Variants in GM2A observed in about 807,000 individuals in gnomAD.
GM2A encodes the protein ganglioside GM2 activator, also known as GM2 ganglioside activator.
In GM2A, 7 loss-of-function variants were observed where a neutral mutation model predicts 12.9. That is an observed-to-expected ratio of 0.54 (90% CI 0.31 to 1.02). GM2A has a LOEUF of 1.02. Among genes scored for constraint, GM2A ranks in the 50% least tolerant of loss-of-function variants. GM2A has a pLI of 0.05. For synonymous variants in GM2A, 101 were observed against 96.0 expected (o/e 1.05, Z -0.30); for missense variants, 246 against 241.0 (o/e 1.02, Z -0.14).
rs1753967072 is a variant in GM2A at position 151,269,571 on chromosome 5, TCAGGC to T, written c.*2123_*2127del. ...GGGAGCAAAGACCACCTGGTGACTA[TCAGGC>T]CATGCAGAGGCAAAACGCCTTATTT... On this transcript the variant is annotated 3_prime_UTR_variant, in exon 4 of 4. Coordinates refer to ENST00000357164, the MANE Select transcript of GM2A (RefSeq NM_000405.5). 1 of 453,108 alleles carries T rather than the reference TCAGGC, an allele frequency of 2.2e-6. No individual in the cohort carries two copies. The highest frequency in any genetic ancestry group is 2.9e-6 in the Non-Finnish European group (1 of 343,134). 28.1% of individuals were successfully genotyped at this position (453,108 alleles called of 1,614,324 possible). A position where few individuals can be genotyped will look rare whatever the true frequency, so the allele number is the denominator to read the frequency against.
rs557461469 is a variant in GM2A at position 151,253,229 on chromosome 5, A to T, written c.13A>T (p.Met5Leu). The change falls in exon 1 of 4, where the codon ATG becomes TTG. Residue 5 changes from methionine to leucine, a missense_variant. Coordinates refer to ENST00000357164, the MANE Select transcript of GM2A (RefSeq NM_000405.5). ...CCCACCCTTCCCGATGCAGTCCCTG[A>T]TGCAGGCTCCCCTCCTGATCGCCCT... MQSL[M>L]QAPLLIALGL... 1.9e-5 allele frequency: 30 copies of T among 1,613,960 alleles called. No homozygotes were observed. The East Asian group carries it at 2.9e-4, about 16-fold the overall frequency.
At position 151,270,428 on chromosome 5, in the gene GM2A, T is replaced by A. The variant is rs1020609911; in HGVS notation, c.*2977T>A. 2.5e-6 allele frequency: 1 copy of A among 398,406 alleles called. No individual in the cohort carries two copies. The highest frequency in any genetic ancestry group is 4.4e-6 in the Non-Finnish European group (1 of 226,028). The allele number at this position is 398,406 out of a possible 1,614,324, so 24.7% of individuals were successfully genotyped here. A position where few individuals can be genotyped will look rare whatever the true frequency, so the allele number is the denominator to read the frequency against. ...CTGGGAGAAAAATTTATCCAGCCTA[T>A]ATAATAGACAAACAGTTAGTGTTCT... On this transcript the variant is annotated 3_prime_UTR_variant, in exon 4 of 4. Transcript: ENST00000357164.
In GM2A at chr5:151,253,208, C is replaced by T. The variant is rs1753619654; in HGVS notation, c.-9C>T. 1 of 1,611,938 alleles carries T rather than the reference C, an allele frequency of 6.2e-7. No individual in the cohort carries two copies. The highest frequency in any genetic ancestry group is 1.3e-5 in the African/African-American group (1 of 74,882). ...TTGCAGTTAACTCCGCCCTGACCCA[C>T]CCTTCCCGATGCAGTCCCTGATGCA... On this transcript the variant is annotated 5_prime_UTR_variant, in exon 1 of 4. Coordinates refer to ENST00000357164, the MANE Select transcript of GM2A (RefSeq NM_000405.5).
Position 151,269,970 on chromosome 5 carries a change from G to A in GM2A, c.*2519G>A, listed in dbSNP as rs138240164. On this transcript the variant is annotated 3_prime_UTR_variant, in exon 4 of 4. Transcript: ENST00000357164. ...TCACCTGGCAATGACCTCCACAGCC[G>A]TTTCCCTCTGTTGGATCTTCCAGCC... 4.2e-3 allele frequency: 5,088 copies of A among 1,217,932 alleles called. 19 individuals are homozygous for A. The highest frequency in any genetic ancestry group is 4.7e-3 in the Non-Finnish European group (4,615 of 979,842). 75.4% of individuals were successfully genotyped at this position (1,217,932 alleles called of 1,614,324 possible).
intron 2 of GM2A, among the ~76,000 whole-genome samples, chr5:151,263,185 C>T (rs565054009): frequency 6.6e-6 from 1 of 150,586 alleles, no homozygotes; most frequent in South Asian, 2.1e-4. Flanking sequence ...CTCTGCCTCC[C>T]GGTTTCAAGG....
chr5:151,260,151 G>T (rs190147543), intron 2 of GM2A, among the ~76,000 whole-genome samples: 39 of 152,320 alleles, frequency 2.6e-4, no homozygotes, highest in Admixed American at 1.0e-3. Flanking sequence ...CAGGAGTGAC[G>T]GATACCTTGC....
rs777250593 is a variant in GM2A, at chr5:151,266,829, G to C, written c.342G>C (p.Val114=). 1 of 1,613,870 alleles carries C rather than the reference G, an allele frequency of 6.2e-7. No homozygotes were observed. The highest frequency in any genetic ancestry group is 1.3e-5 in the African/African-American group (1 of 75,040). Residue 114 remains valine, a synonymous_variant, in exon 3 of 4, where the codon GTG becomes GTC. Transcript: ENST00000357164. ...GTACCTTTGAACACTTCTGTGATGT[G>C]CTTGACATGTTAATTCCTACTGGGG... ...GSCTFEHFCD[V]LDMLIPTGEP...
At chr5:151,263,154 G>A (rs910232270) in intron 2 of GM2A, among the ~76,000 whole-genome samples, 9 of 142,042 alleles carry the variant, frequency 6.3e-5, no homozygotes, top group Non-Finnish European at 1.2e-4. Flanking sequence ...GTGTAGTCGC[G>A]CGATCATGGC....
At chr5:151,264,231 A>T (rs371283419) in intron 2 of GM2A, among the ~76,000 whole-genome samples, 14 of 152,352 alleles carry the variant, frequency 9.2e-5, no homozygotes, top group African/African-American at 3.4e-4. Flanking sequence ...TTTCTGAGTC[A>T]TAGTAGCAAA....
intron 2 of GM2A, among the ~76,000 whole-genome samples, chr5:151,263,558 A>T (rs1448378490): frequency 1.3e-5 from 2 of 152,208 alleles, no homozygotes; most frequent in Non-Finnish European, 2.9e-5. Flanking sequence ...AGTTGTTAGC[A>T]TGGACAAGGC....
intron 1 of GM2A, among the ~76,000 whole-genome samples, chr5:151,256,080 C>T (rs1451560224): frequency 6.6e-6 from 1 of 152,094 alleles, no homozygotes; most frequent in East Asian, 1.9e-4. Flanking sequence ...ATCAGGAAAC[C>T]TGAATTTCAG....
At chr5:151,254,310 A>G (rs1482741471) in intron 1 of GM2A, among the ~76,000 whole-genome samples, 1 of 152,102 alleles carries the variant, frequency 6.6e-6, no homozygotes, top group African/African-American at 2.4e-5. Context: ...GTTCTGTTTT[A>G]TTATCTCATT....
In GM2A at chr5:151,268,161, C is replaced by CT. The variant is rs35982513; in HGVS notation, c.*723dup. ...TTCCAGGCTTGATTTCGATTTTTCGCTTTTTTTTTTTTTGAGACAGAATCT... is the reference window on the plus strand; with the variant it reads ...TTCCAGGCTTGATTTCGATTTTTCGCTTTTTTTTTTTTTTGAGACAGAATCT... On this transcript the variant is annotated 3_prime_UTR_variant, in exon 4 of 4. Coordinates refer to ENST00000357164, the MANE Select transcript of GM2A (RefSeq NM_000405.5). 0.51 allele frequency: 422,890 copies of CT among 833,088 alleles called. 52,655 individuals carry two copies. The highest frequency in any genetic ancestry group is 0.83 in the East Asian group (6,308 of 7,582). The allele number at this position is 833,088 out of a possible 1,614,324, so 51.6% of individuals were successfully genotyped here. A position where few individuals can be genotyped will look rare whatever the true frequency, so the allele number is the denominator to read the frequency against.
At position 151,258,651 on chromosome 5, in the gene GM2A, C is replaced by T. The variant is rs531466726; in HGVS notation, c.82-1104C>T. Among the ~76,000 whole-genome samples the T allele has an allele frequency of 5.6e-4, 85 of 152,258 alleles. 1 individual carries two copies. Among genetic ancestry groups the T allele is most frequent in the Middle Eastern group, 3.4e-3 (1 of 294 alleles). ...TAGATGGTCTGGCCTCAACCCAAAA[C>T]TTAGGATCCAGTGACAGCACAAAAC... On this transcript the variant is annotated intron_variant, in intron 1 of 3. Transcript: ENST00000357164.
At position 151,268,143 on chromosome 5, in the gene GM2A, C is replaced by A; in HGVS notation, c.*692C>A. 1.0e-6 allele frequency: 1 copy of A among 965,948 alleles called. No individual in the cohort carries two copies. Among genetic ancestry groups the A allele is most frequent in the Non-Finnish European group, 1.2e-6 (1 of 822,030 alleles). 59.8% of individuals were successfully genotyped at this position (965,948 alleles called of 1,614,324 possible). A position where few individuals can be genotyped will look rare whatever the true frequency, so the allele number is the denominator to read the frequency against. On this transcript the variant is annotated 3_prime_UTR_variant, in exon 4 of 4. Coordinates refer to ENST00000357164, the MANE Select transcript of GM2A (RefSeq NM_000405.5). ...CCGTGAGAAACATGTTGCTTCCAGG[C>A]TTGATTTCGATTTTTCGCTTTTTTT... is the stretch of plus-strand genomic sequence containing the variant.
rs1005089834 is a variant in GM2A at position 151,268,119 on chromosome 5, C to G, written c.*668C>G. The G allele has an allele frequency of 1.0e-6, 1 of 985,970 alleles. No homozygotes were observed. Among genetic ancestry groups the G allele is most frequent in the African/African-American group, 1.8e-5 (1 of 56,788 alleles). 61.1% of individuals were successfully genotyped at this position (985,970 alleles called of 1,614,324 possible). ...AGAGACTTAAATGACTGATAAGAAC[C>G]GTGAGAAACATGTTGCTTCCAGGCT... On this transcript the variant is annotated 3_prime_UTR_variant, in exon 4 of 4. Coordinates refer to ENST00000357164, the MANE Select transcript of GM2A (RefSeq NM_000405.5).
In GM2A at chr5:151,253,232, C is replaced by G. The variant is rs767131690; in HGVS notation, c.16C>G (p.Gln6Glu). Residue 6 changes from glutamine to glutamate, a missense_variant, in exon 1 of 4, where the codon CAG (glutamine) becomes GAG (glutamate). Coordinates refer to ENST00000357164, the MANE Select transcript of GM2A (RefSeq NM_000405.5). MQSLM[Q>E]APLLIALGLL... ...ACCCTTCCCGATGCAGTCCCTGATGCAGGCTCCCCTCCTGATCGCCCTGGG... is the reference window on the plus strand; with the variant it reads ...ACCCTTCCCGATGCAGTCCCTGATGGAGGCTCCCCTCCTGATCGCCCTGGG... 1.9e-6 allele frequency: 3 copies of G among 1,613,772 alleles called. No homozygotes were observed. The East Asian group carries it at 6.7e-5, about 36-fold the overall frequency.
At chr5:151,254,571 T>C (rs900375945) in intron 1 of GM2A, among the ~76,000 whole-genome samples, 1 of 152,232 alleles carries the variant, frequency 6.6e-6, no homozygotes, top group Non-Finnish European at 1.5e-5. Context: ...TAATGTATTA[T>C]ATACAGAAGC....
intron 1 of GM2A, among the ~76,000 whole-genome samples, chr5:151,257,589 T>G (rs1282204630): frequency 2.0e-5 from 3 of 152,134 alleles, no homozygotes; most frequent in Non-Finnish European, 4.4e-5. Flanking sequence ...CAAATCACAG[T>G]GTAGTACTGT....
Sources: allele counts gnomAD v4.1 joint callset (sites outside exome capture counted in the v4.1 genomes callset), GRCh38; gene constraint gnomAD v4.1.1; transcripts MANE v1.5; gene names NCBI Gene and HGNC (gene_info 2026-07-23, HGNC 2026-07-21).